The following EAF2 variants were observed in gnomAD, a reference collection of about 807,000 sequenced individuals.
EAF2 encodes the protein ELL associated factor 2.
EAF2 carries 29 observed loss-of-function variants against 29.4 expected under a neutral mutation model. That is an observed-to-expected ratio of 0.99 (90% CI 0.73 to 1.35). EAF2 has a LOEUF of 1.35. Ranked by LOEUF, EAF2 falls within the 40% of genes most tolerant of loss-of-function variation. The pLI is 0.00. For missense variants in EAF2, 292 were observed against 312.0 expected (o/e 0.94, Z 0.48); for synonymous variants, 103 against 102.5 (o/e 1.00, Z -0.03).
intron 5 of EAF2, among the ~76,000 whole-genome samples, chr3:121,881,436 G>A (rs1366396931): frequency 6.6e-6 from 1 of 151,822 alleles, no homozygotes; most frequent in African/African-American, 2.4e-5. Flanking sequence ...TTCAATCTTG[G>A]TAGGTGGTAT....
intron 4 of EAF2, among the ~76,000 whole-genome samples, chr3:121,870,813 T>C (rs535514320): frequency 1.3e-5 from 2 of 152,280 alleles, no homozygotes; most frequent in African/African-American, 4.8e-5. Context: ...CACTGCTTCA[T>C]ATTATCACAT....
intron 1 of EAF2, among the ~76,000 whole-genome samples, chr3:121,840,141 G>T (rs1708383967): frequency 7.0e-6 from 1 of 143,258 alleles, no homozygotes. Flanking sequence ...GGTGAGCCGA[G>T]ATCGCGCCGC....
intron 5 of EAF2, among the ~76,000 whole-genome samples, chr3:121,880,099 C>T (rs1709167898): frequency 6.6e-6 from 1 of 151,834 alleles, no homozygotes; most frequent in Non-Finnish European, 1.5e-5. Context: ...CTTTCACCTT[C>T]TTGGTTAAAT....
chr3:121,850,791 G>A (rs1708619006), intron 2 of EAF2, among the ~76,000 whole-genome samples: 1 of 152,024 alleles, frequency 6.6e-6, no homozygotes, highest in Non-Finnish European at 1.5e-5. Flanking sequence ...GCATCTCCTG[G>A]GTTCGAGCAA....
At chr3:121,868,469 C>T (rs971599593) in intron 4 of EAF2, among the ~76,000 whole-genome samples, 10 of 151,970 alleles carry the variant, frequency 6.6e-5, no homozygotes, top group African/African-American at 1.7e-4. Context: ...CACGGTGGCA[C>T]GCACCTTAAT....
chr3:121,868,912 T>C (rs1213496489), intron 4 of EAF2, among the ~76,000 whole-genome samples: 1 of 152,156 alleles, frequency 6.6e-6, no homozygotes, highest in African/African-American at 2.4e-5. Flanking sequence ...AACAGCAGAA[T>C]ACACATTTTG....
chr3:121,863,232 G>A (rs1195126059), intron 4 of EAF2, among the ~76,000 whole-genome samples: 9 of 152,186 alleles, frequency 5.9e-5, no homozygotes, highest in Non-Finnish European at 1.5e-5. Context: ...CTGTCAGCAG[G>A]GACGTTGAAG....
intron 1 of EAF2, among the ~76,000 whole-genome samples, chr3:121,839,932 G>A (rs1708379253): frequency 6.6e-6 from 1 of 152,156 alleles, no homozygotes; most frequent in African/African-American, 2.4e-5. Context: ...CGTGCCTCAC[G>A]CCTGTAATCC....
At chr3:121,837,493 T>C (rs1247712374) in intron 1 of EAF2, 1 of 152,176 alleles carries the variant, frequency 6.6e-6, no homozygotes, top group African/African-American at 2.4e-5. Context: ...CCACCACCTA[T>C]ATATATAATG....
intron 4 of EAF2, among the ~76,000 whole-genome samples, chr3:121,860,230 G>A (rs539147198): frequency 3.4e-4 from 52 of 152,318 alleles, no homozygotes; most frequent in African/African-American, 1.2e-3. Context: ...GATTGGAATA[G>A]TTTCAGAAGG....
chr3:121,847,742 G>T (rs1191941153), intron 2 of EAF2, among the ~76,000 whole-genome samples: 2 of 152,108 alleles, frequency 1.3e-5, no homozygotes, highest in African/African-American at 2.4e-5. Flanking sequence ...AGTTAATATT[G>T]TGTATTAAAG....
chr3:121,872,780 A>G lies in EAF2; in HGVS notation c.728A>G (p.Asn243Ser), dbSNP rs1426318557. Reference protein sequence around the residue: ...RFRDNSGLLMNTLRNDLQLSE... With the variant: ...RFRDNSGLLMSTLRNDLQLSE... ...CGAGACAACAGTGGCCTTCTGATGA[A>G]TACTTTAAGTAAGTATACATAAACA... The change falls in exon 5 of 6, where the codon AAT becomes AGT. Residue 243 changes from asparagine (N) to serine (S), a missense_variant. By Grantham distance (46) the Asn-to-Ser change is conservative. Coordinates refer to ENST00000273668, the MANE Select transcript of EAF2 (RefSeq NM_018456.6). 2 of 1,610,752 alleles carry G rather than the reference A, an allele frequency of 1.2e-6. No homozygotes were observed. The highest frequency in any genetic ancestry group is 1.7e-6 in the Non-Finnish European group (2 of 1,178,262).
chr3:121,864,297 G>A (rs1708885941), intron 4 of EAF2, among the ~76,000 whole-genome samples: 1 of 152,102 alleles, frequency 6.6e-6, no homozygotes, highest in Non-Finnish European at 1.5e-5. Context: ...AAGCCCAGTA[G>A]AGTATTCATT....
At chr3:121,854,855 A>G in intron 3 of EAF2, 32 bp downstream of exon 3, 1 of 1,489,600 alleles carries the variant, frequency 6.7e-7, no homozygotes, top group Non-Finnish European at 8.9e-7. Flanking sequence ...ATTATATTAT[A>G]AACATAAATT....
chr3:121,880,669 A>G (rs1373271665), intron 5 of EAF2, among the ~76,000 whole-genome samples: 4 of 152,064 alleles, frequency 2.6e-5, no homozygotes, highest in Non-Finnish European at 5.9e-5. Context: ...GTCATTTGCA[A>G]ACAGGGACAG....
intron 5 of EAF2, among the ~76,000 whole-genome samples, chr3:121,876,486 C>T (rs1297394738): frequency 6.6e-6 from 1 of 151,790 alleles, no homozygotes; most frequent in African/African-American, 2.4e-5. Flanking sequence ...GATAAAATGT[C>T]AGGAAATTTG....
chr3:121,874,354 T>G (rs1210903630), intron 5 of EAF2, among the ~76,000 whole-genome samples: 1 of 151,780 alleles, frequency 6.6e-6, no homozygotes, highest in Non-Finnish European at 1.5e-5. Flanking sequence ...TATTCTTGAC[T>G]TGGGAAGTAA....
chr3:121,857,581 A>G (rs527686970), intron 4 of EAF2, among the ~76,000 whole-genome samples: 1 of 152,106 alleles, frequency 6.6e-6, no homozygotes, highest in South Asian at 2.1e-4. Context: ...AGAGCATAAT[A>G]TTTTTTGTAA....
intron 2 of EAF2, among the ~76,000 whole-genome samples, chr3:121,852,479 T>C (rs1406646460): frequency 1.3e-5 from 2 of 152,208 alleles, no homozygotes; most frequent in Admixed American, 6.5e-5. Flanking sequence ...AGCCCAGACA[T>C]GTCTTCATCT....
Sources: allele counts gnomAD v4.1 joint callset (sites outside exome capture counted in the v4.1 genomes callset), GRCh38; gene constraint gnomAD v4.1.1; transcripts MANE v1.5; gene names NCBI Gene and HGNC (gene_info 2026-07-23, HGNC 2026-07-21).